Variants in RORA observed in about 807,000 individuals in gnomAD.
RORA encodes nuclear receptor ROR-alpha.
Under a neutral mutation model 69.5 loss-of-function variants are expected in RORA, and 7 were observed. The observed-to-expected ratio is 0.10, with a 90% CI of 0.06 to 0.19. RORA has a LOEUF of 0.19. Ranked by LOEUF, RORA falls within the 10% of genes least tolerant of loss-of-function variation. The pLI is 1.00. For missense variants in RORA, 457 were observed against 663.0 expected (o/e 0.69, Z 3.41); for synonymous variants, 261 against 240.8 (o/e 1.08, Z -0.78).
At chr15:61,187,167 A>G (rs1472092105) in intron 1 of RORA, among the ~76,000 whole-genome samples, 1 of 152,258 alleles carries the variant, frequency 6.6e-6, no homozygotes, top group East Asian at 1.9e-4. Flanking sequence ...TCGAGCCAGC[A>G]GTTATTAATT....
intron 1 of RORA, among the ~76,000 whole-genome samples, chr15:61,001,529 C>G (rs1324852794): frequency 1.3e-5 from 2 of 152,200 alleles, no homozygotes; most frequent in African/African-American, 2.4e-5. Context: ...CCACTATAAG[C>G]AAGCAATCAA....
chr15:61,120,775 C>T (rs2079095805), intron 1 of RORA, among the ~76,000 whole-genome samples: 1 of 150,754 alleles, frequency 6.6e-6, no homozygotes, highest in Non-Finnish European at 1.5e-5. Flanking sequence ...CCTTAGATTC[C>T]ACTATATACT....
intron 1 of RORA, among the ~76,000 whole-genome samples, chr15:60,791,883 T>C (rs1258436619): frequency 1.3e-5 from 2 of 152,150 alleles, no homozygotes; most frequent in African/African-American, 2.4e-5. Context: ...ATTTGTTTTG[T>C]CTATTACCCA....
chr15:61,167,150 G>A (rs980894623), intron 1 of RORA, among the ~76,000 whole-genome samples: 3 of 152,170 alleles, frequency 2.0e-5, no homozygotes, highest in East Asian at 1.9e-4. Context: ...CAGCTGAAAC[G>A]AGAGCTTCTG....
At chr15:60,619,039 G>C (rs952996923) in intron 2 of RORA, among the ~76,000 whole-genome samples, 2 of 152,166 alleles carry the variant, frequency 1.3e-5, no homozygotes, top group African/African-American at 2.4e-5. Flanking sequence ...CTGTACAAAA[G>C]GTTAAAACTT....
At chr15:60,986,203 G>A (rs950414996) in intron 1 of RORA, among the ~76,000 whole-genome samples, 2 of 151,002 alleles carry the variant, frequency 1.3e-5, no homozygotes, top group East Asian at 2.0e-4. Flanking sequence ...GTGAGATCTC[G>A]GCTCACTGCA....
chr15:61,191,242 A>G (rs1411886711), intron 1 of RORA, among the ~76,000 whole-genome samples: 2 of 152,122 alleles, frequency 1.3e-5, no homozygotes, highest in East Asian at 3.9e-4. Context: ...TGGAAACACT[A>G]CACATGAAGC....
At chr15:60,967,253 A>G (rs1893580135) in intron 1 of RORA, among the ~76,000 whole-genome samples, 1 of 152,214 alleles carries the variant, frequency 6.6e-6, no homozygotes, top group Admixed American at 6.5e-5. Flanking sequence ...TTATGCATTG[A>G]CAGATGTACC....
At chr15:60,871,161 A>G (rs749236825) in intron 1 of RORA, among the ~76,000 whole-genome samples, 14 of 152,190 alleles carry the variant, frequency 9.2e-5, no homozygotes, top group Non-Finnish European at 1.5e-4. Context: ...ACAAAAGGAG[A>G]TGGGTTGGAG....
chr15:60,670,932 T>G (rs2070455270), intron 2 of RORA, among the ~76,000 whole-genome samples: 1 of 151,982 alleles, frequency 6.6e-6, no homozygotes, highest in African/African-American at 2.4e-5. Context: ...TTCTTCTACG[T>G]TTTTATTCCT....
At chr15:61,121,179 C>T (rs746873062) in intron 1 of RORA, among the ~76,000 whole-genome samples, 4 of 152,090 alleles carry the variant, frequency 2.6e-5, no homozygotes, top group Non-Finnish European at 4.4e-5. Context: ...TCCTTACCAC[C>T]ACTCCATAAC....
intron 2 of RORA, among the ~76,000 whole-genome samples, chr15:60,664,377 G>A (rs1596107659): frequency 6.6e-6 from 1 of 152,146 alleles, no homozygotes; most frequent in South Asian, 2.1e-4. Flanking sequence ...ACTTGGCTGT[G>A]TGAAAGAGCA....
At chr15:61,164,917 T>C (rs1348454832) in intron 1 of RORA, among the ~76,000 whole-genome samples, 1 of 152,188 alleles carries the variant, frequency 6.6e-6, no homozygotes, top group Non-Finnish European at 1.5e-5. Flanking sequence ...AAGAATATCA[T>C]GCTGTTGACA....
At chr15:61,141,606 G>A (rs2079299223) in intron 1 of RORA, among the ~76,000 whole-genome samples, 1 of 152,228 alleles carries the variant, frequency 6.6e-6, no homozygotes, top group Non-Finnish European at 1.5e-5. Flanking sequence ...AACAGCTTCA[G>A]AGATACAAGA....
At chr15:60,968,165 C>T (rs375614383) in intron 1 of RORA, among the ~76,000 whole-genome samples, 2 of 152,094 alleles carry the variant, frequency 1.3e-5, no homozygotes, top group Admixed American at 6.5e-5. Flanking sequence ...GAGATCAGGA[C>T]GTAAACAGAT....
chr15:61,100,672 G>A (rs889365892), intron 1 of RORA, among the ~76,000 whole-genome samples: 5 of 152,150 alleles, frequency 3.3e-5, no homozygotes, highest in Non-Finnish European at 5.9e-5. Flanking sequence ...ATGGAAAGGG[G>A]CCATGACACA....
chr15:61,216,395 G>C (rs981829975), intron 1 of RORA, among the ~76,000 whole-genome samples: 13 of 152,294 alleles, frequency 8.5e-5, no homozygotes, highest in African/African-American at 3.1e-4. Context: ...TAAATTATTA[G>C]ATTACATTAC....
chr15:60,944,907 G>C (rs1309711973), intron 1 of RORA, among the ~76,000 whole-genome samples: 1 of 152,130 alleles, frequency 6.6e-6, no homozygotes, highest in Non-Finnish European at 1.5e-5. Flanking sequence ...ACTGACCTAG[G>C]CATAGCACCA....
rs148287841 is a variant in RORA at position 61,031,925 on chromosome 15, C to T, written c.166+197128G>A. Among the ~76,000 whole-genome samples the T allele has an allele frequency of 4.3e-3, 653 of 152,280 alleles. 5 individuals are homozygous for T. The highest frequency in any genetic ancestry group is 0.01 in the Middle Eastern group (3 of 294). ...TTTGTTTTCATTATCACTTACTTCT[C>T]TTCTGAAGAGTTGGAAGATATATGT... On this transcript the variant is annotated intron_variant, in intron 1 of 10. Coordinates refer to ENST00000335670, the MANE Select transcript of RORA (RefSeq NM_134261.3).
Sources: gnomAD v4.1 joint callset for allele counts (sites outside exome capture counted in the v4.1 genomes callset) on GRCh38, gnomAD v4.1.1 for gene constraint, MANE v1.5 for transcripts, NCBI Gene and HGNC (gene_info 2026-07-23, HGNC 2026-07-21) for gene names.